CWH43: variants seen among roughly 807,000 people sequenced by gnomAD.
CWH43 encodes PGAP2-interacting protein.
In CWH43, 91 loss-of-function variants were observed where a neutral mutation model predicts 85.7. The ratio of observed to expected loss-of-function variants is 1.06; its 90% CI spans 0.90 to 1.26. CWH43 has a LOEUF of 1.26. CWH43 is among the 50% of genes most tolerant of loss of function. CWH43 has a pLI of 0.00. For missense variants in CWH43, 869 were observed against 839.2 expected (o/e 1.04, Z -0.44); for synonymous variants, 323 against 293.6 (o/e 1.10, Z -1.02).
chr4:49,036,354 G>A (rs1225952112), intron 12 of CWH43, among the ~76,000 whole-genome samples: 1 of 152,178 alleles, frequency 6.6e-6, no homozygotes, highest in South Asian at 2.1e-4. Context: ...AGGCATATTA[G>A]CCTCATTTAA....
At chr4:48,993,411 TCTG>T (rs1223544395) in intron 4 of CWH43, among the ~76,000 whole-genome samples, 1 of 152,148 alleles carries the variant, frequency 6.6e-6, no homozygotes, top group African/African-American at 2.4e-5. Context: ...AGCTCTCGGC[TCTG>T]CCCCTCCTCA....
chr4:49,054,070 AT>A, intron 15 of CWH43, among the ~76,000 whole-genome samples: 1 of 152,250 alleles, frequency 6.6e-6, no homozygotes, highest in South Asian at 2.1e-4. Context: ...TAGGGATCAT[AT>A]TTAAAAAATC....
At chr4:49,019,612 C>T (rs1448072752) in intron 9 of CWH43, among the ~76,000 whole-genome samples, 4 of 151,938 alleles carry the variant, frequency 2.6e-5, no homozygotes. Context: ...GAATCTCACA[C>T]TCTGTAACCC....
chr4:49,060,507 T>C (rs1785118972), intron 15 of CWH43, among the ~76,000 whole-genome samples: 2 of 151,992 alleles, frequency 1.3e-5, no homozygotes, highest in Admixed American at 6.6e-5. Context: ...CCAATGTTCA[T>C]TGGCCTGGAC....
At chr4:48,986,593 G>A in intron 1 of CWH43, 121 bp downstream of exon 1, 1 of 1,506,024 alleles carries the variant, frequency 6.6e-7, no homozygotes, top group Non-Finnish European at 8.9e-7. Flanking sequence ...TCCGTGCCCA[G>A]AGTGGAGATG....
At chr4:49,024,503 G>T (rs1783843539) in intron 9 of CWH43, among the ~76,000 whole-genome samples, 1 of 152,142 alleles carries the variant, frequency 6.6e-6, no homozygotes, top group Non-Finnish European at 1.5e-5. Context: ...TTTGTTTCAA[G>T]ATTTAGAGCT....
At chr4:49,031,255 G>T (rs1486136079) in intron 11 of CWH43, 13 of 284,942 alleles carry the variant, frequency 4.6e-5, no homozygotes, top group Non-Finnish European at 7.8e-5. Context: ...TCCAGTGTAA[G>T]ACAGAAAATC....
intron 8 of CWH43, among the ~76,000 whole-genome samples, chr4:49,011,772 C>G (rs1329761181): frequency 6.6e-6 from 1 of 152,134 alleles, no homozygotes; most frequent in Admixed American, 6.6e-5. Context: ...GTTGAAAATT[C>G]TTTTCTTTAA....
chr4:49,055,753 C>A (rs1784932744), intron 15 of CWH43, among the ~76,000 whole-genome samples: 3 of 152,130 alleles, frequency 2.0e-5, no homozygotes, highest in East Asian at 1.9e-4. Flanking sequence ...CCACACCCAG[C>A]TAATTTTTGT....
At chr4:49,012,553 C>T (rs1783398751) in intron 8 of CWH43, among the ~76,000 whole-genome samples, 1 of 152,194 alleles carries the variant, frequency 6.6e-6, no homozygotes, top group African/African-American at 2.4e-5. Context: ...AGAAGAGGCA[C>T]TCTGGTTTTT....
At chr4:49,058,218 TA>T (rs1785029554) in intron 15 of CWH43, among the ~76,000 whole-genome samples, 1 of 152,206 alleles carries the variant, frequency 6.6e-6, no homozygotes. Context: ...TTGGTAACAG[TA>T]TGCTTTGATT....
At chr4:49,038,317 A>C in intron 13 of CWH43, 137 bp downstream of exon 13, 5 of 650,708 alleles carry the variant, frequency 7.7e-6, no homozygotes, top group African/African-American at 1.9e-5. Context: ...ACCACAAAAC[A>C]TGTGAGCTTA....
In CWH43 at chr4:49,044,852, G is replaced by A. The variant is rs369954798; in HGVS notation, c.1865+5G>A. 2.5e-6 allele frequency: 4 copies of A among 1,610,612 alleles called. No individual in the cohort carries two copies. In the African/African-American group the frequency reaches 4.0e-5, roughly 16 times the overall value. ...TATGTATCGAGGGCTGATCAGGTGA[G>A]CACAGGGGTTTGATTTTGTTTTTAA... On this transcript the variant is annotated splice_donor_5th_base_variant and intron_variant, in intron 14 of 15. Transcript: ENST00000226432.
intron 10 of CWH43, 36 bp downstream of exon 10, chr4:49,028,770 A>C: frequency 7.5e-7 from 1 of 1,332,918 alleles, no homozygotes; most frequent in Non-Finnish European, 1.1e-6. Context: ...GGTTTTGAGA[A>C]ACTATTATTG....
chr4:49,003,627 A>G, intron 6 of CWH43, 108 bp from the exon 7 acceptor site: 1 of 1,036,278 alleles, frequency 9.6e-7, no homozygotes, highest in South Asian at 1.6e-5. Context: ...CTGTCTGGAG[A>G]TTGGATCAGT....
chr4:48,995,365 G>A (rs779357918), intron 5 of CWH43, among the ~76,000 whole-genome samples: 1 of 152,208 alleles, frequency 6.6e-6, no homozygotes, highest in Non-Finnish European at 1.5e-5. Flanking sequence ...GGAGTCAAGT[G>A]TTGGTCCTTG....
chr4:49,031,969 G>A (rs1209705268), intron 11 of CWH43, among the ~76,000 whole-genome samples: 1 of 152,182 alleles, frequency 6.6e-6, no homozygotes, highest in Non-Finnish European at 1.5e-5. Flanking sequence ...GTTGGGTATG[G>A]CCTGGAGGGC....
chr4:49,061,772 T>C, intron 15 of CWH43, 40 bp from the exon 16 acceptor site: 1 of 1,280,772 alleles, frequency 7.8e-7, no homozygotes, highest in Non-Finnish European at 1.0e-6. Flanking sequence ...GAATGGTTTT[T>C]ACATGCCAAT....
intron 13 of CWH43, among the ~76,000 whole-genome samples, chr4:49,040,336 G>A (rs907132896): frequency 9.2e-5 from 14 of 152,260 alleles, no homozygotes; most frequent in African/African-American, 3.4e-4. Context: ...CTTCCACAAT[G>A]GTTGAACTAG....
Sources: gnomAD v4.1 joint callset for allele counts (sites outside exome capture counted in the v4.1 genomes callset) on GRCh38, gnomAD v4.1.1 for gene constraint, MANE v1.5 for transcripts, NCBI Gene and HGNC (gene_info 2026-07-23, HGNC 2026-07-21) for gene names.